TMEM108: variants seen among roughly 807,000 people sequenced by gnomAD.
TMEM108 encodes the protein cancer/testis antigen 124.
A neutral mutation model predicts 35.1 loss-of-function variants in TMEM108; 12 were observed. The observed-to-expected ratio is 0.34, with a 90% CI of 0.22 to 0.55. The LOEUF (loss-of-function observed/expected upper bound fraction) is 0.55. TMEM108 is among the 20% of genes least tolerant of loss of function. The probability of loss-of-function intolerance (pLI) is 0.89; values close to 1 mark genes in which losing one functional copy is unlikely to be tolerated. For synonymous variants in TMEM108, 287 were observed against 308.6 expected (o/e 0.93, Z 0.73); for missense variants, 680 against 753.3 (o/e 0.90, Z 1.14).
chr3:133,064,777 A>C (rs956505529), intron 2 of TMEM108, among the ~76,000 whole-genome samples: 37 of 152,162 alleles, frequency 2.4e-4, no homozygotes, highest in Admixed American at 2.1e-3. Context: ...AAGTAGGGGA[A>C]GATAATGCTG....
chr3:133,381,787 AG>A (rs1180016637), intron 4 of TMEM108, among the ~76,000 whole-genome samples: 1 of 152,230 alleles, frequency 6.6e-6, no homozygotes, highest in Admixed American at 6.5e-5. Context: ...GAAGTTCTAT[AG>A]CTTTGGCAAA....
intron 2 of TMEM108, among the ~76,000 whole-genome samples, chr3:133,134,846 C>T (rs1255968331): frequency 1.3e-5 from 2 of 152,060 alleles, no homozygotes; most frequent in African/African-American, 4.8e-5. Flanking sequence ...ACCCATCTTG[C>T]TGTCTTTTGA....
intron 3 of TMEM108, among the ~76,000 whole-genome samples, chr3:133,287,570 G>T (rs894770819): frequency 6.6e-6 from 1 of 152,162 alleles, no homozygotes; most frequent in African/African-American, 2.4e-5. Context: ...AGTTGTCTCT[G>T]GGAGGTGCTA....
chr3:133,100,231 T>C (rs966586719), intron 2 of TMEM108, among the ~76,000 whole-genome samples: 1 of 152,150 alleles, frequency 6.6e-6, no homozygotes, highest in African/African-American at 2.4e-5. Context: ...AGGGGAAAGA[T>C]TGGCCCCCAT....
chr3:133,293,947 G>A (rs904264669), intron 3 of TMEM108, among the ~76,000 whole-genome samples: 12 of 152,200 alleles, frequency 7.9e-5, no homozygotes, highest in Admixed American at 2.6e-4. Flanking sequence ...GTACACCAAG[G>A]GGAGATGTTG....
chr3:133,235,241 G>A (rs1946217180), intron 3 of TMEM108, among the ~76,000 whole-genome samples: 1 of 151,864 alleles, frequency 6.6e-6, no homozygotes, highest in African/African-American at 2.4e-5. Flanking sequence ...TCACAGAATT[G>A]GAAAAAACTA....
intron 2 of TMEM108, among the ~76,000 whole-genome samples, chr3:133,104,466 T>C (rs1333486567): frequency 6.6e-6 from 1 of 152,204 alleles, no homozygotes; most frequent in Non-Finnish European, 1.5e-5. Flanking sequence ...GCTTTTTTTC[T>C]TAATCTCTAG....
chr3:133,370,303 G>A (rs1413590661), intron 3 of TMEM108, among the ~76,000 whole-genome samples: 1 of 152,080 alleles, frequency 6.6e-6, no homozygotes, highest in East Asian at 1.9e-4. Flanking sequence ...TTGAGTACTG[G>A]TCAGCTATTT....
chr3:133,154,299 T>A (rs1944844854), intron 2 of TMEM108, among the ~76,000 whole-genome samples: 1 of 152,086 alleles, frequency 6.6e-6, no homozygotes, highest in South Asian at 2.1e-4. Context: ...TTTAATTAGA[T>A]CCCATTTGTC....
At chr3:133,206,176 G>A (rs1013979262) in intron 2 of TMEM108, among the ~76,000 whole-genome samples, 3 of 152,160 alleles carry the variant, frequency 2.0e-5, no homozygotes, top group African/African-American at 7.2e-5. Context: ...CTCTAAACTG[G>A]TTATTCCAGT....
chr3:133,144,169 G>C (rs1359460033), intron 2 of TMEM108, among the ~76,000 whole-genome samples: 1 of 151,830 alleles, frequency 6.6e-6, no homozygotes, highest in Non-Finnish European at 1.5e-5. Context: ...TCCCCTCCCT[G>C]TGTCCATGTG....
intron 3 of TMEM108, among the ~76,000 whole-genome samples, chr3:133,336,371 C>G (rs972537189): frequency 5.9e-5 from 9 of 152,060 alleles, no homozygotes; most frequent in Non-Finnish European, 1.2e-4. Flanking sequence ...GTTAAGAGAA[C>G]TTTGTTTTGC....
chr3:133,380,761 T>C lies in TMEM108; in HGVS notation c.1050T>C (p.Ser350=), dbSNP rs764163765. ...PGTSRPLSTS[S]GVFTAATGPT... ...CCAGCAGACCTCTGTCTACCAGCTC[T>C]GGGGTCTTCACGGCTGCCACGGGGC... Residue 350 remains serine (S), a synonymous_variant, in exon 4 of 6, where the codon TCT becomes TCC. Transcript: ENST00000321871. The surrounding 1 kb of genome is among the most constrained non-coding windows in gnomAD (Gnocchi z 5.3). The C allele has an allele frequency of 6.8e-6, 11 of 1,614,042 alleles. No individual in the cohort carries two copies. Among genetic ancestry groups the C allele is most frequent in the South Asian group, 2.2e-5 (2 of 91,084 alleles).
At chr3:133,266,235 T>C (rs1354009492) in intron 3 of TMEM108, among the ~76,000 whole-genome samples, 1 of 152,116 alleles carries the variant, frequency 6.6e-6, no homozygotes. Context: ...CTAATTGTAT[T>C]CTTATAAACC....
At chr3:133,305,364 T>A (rs1576444628) in intron 3 of TMEM108, among the ~76,000 whole-genome samples, 1 of 59,456 alleles carries the variant, frequency 1.7e-5, no homozygotes, top group African/African-American at 7.2e-5. Flanking sequence ...GGGACTGTGG[T>A]GGGGTGGGGG....
intron 3 of TMEM108, among the ~76,000 whole-genome samples, chr3:133,237,560 C>T (rs1202402201): frequency 6.6e-6 from 1 of 152,108 alleles, no homozygotes; most frequent in Non-Finnish European, 1.5e-5. Flanking sequence ...TAATGTGATC[C>T]AAGAATCCCT....
At chr3:133,243,069 C>A (rs1946334902) in intron 3 of TMEM108, among the ~76,000 whole-genome samples, 1 of 152,138 alleles carries the variant, frequency 6.6e-6, no homozygotes, top group Non-Finnish European at 1.5e-5. Context: ...CCTGGGCATC[C>A]CTGGAAGCAG....
At chr3:133,102,844 A>G (rs547916376) in intron 2 of TMEM108, among the ~76,000 whole-genome samples, 2 of 151,440 alleles carry the variant, frequency 1.3e-5, no homozygotes, top group East Asian at 3.9e-4. Flanking sequence ...AAAAAGCTCA[A>G]CATCACTGAT....
chr3:133,362,457 A>G (rs2072380471), intron 3 of TMEM108, among the ~76,000 whole-genome samples: 1 of 152,190 alleles, frequency 6.6e-6, no homozygotes, highest in Non-Finnish European at 1.5e-5. Context: ...ACAATGTGTC[A>G]TACCCACACC....
Sources: allele counts gnomAD v4.1 joint callset (sites outside exome capture counted in the v4.1 genomes callset), GRCh38; gene constraint gnomAD v4.1.1; non-coding constraint Gnocchi (gnomAD v3.1); transcripts MANE v1.5; gene names NCBI Gene and HGNC (gene_info 2026-07-23, HGNC 2026-07-21).